The following ZNF148 variants were observed in gnomAD, a reference collection of about 807,000 sequenced individuals.
The protein encoded by ZNF148 is Beta-Enolase Repressor Factor-1.
A neutral mutation model predicts 67.7 loss-of-function variants in ZNF148; 7 were observed. The observed-to-expected ratio is 0.10, with a 90% CI of 0.06 to 0.19. The LOEUF is 0.19. Among genes scored for constraint, ZNF148 ranks in the 10% least tolerant of loss-of-function variants. The pLI, the probability that ZNF148 is intolerant of heterozygous loss-of-function variation, is 1.00. For synonymous variants in ZNF148, 333 were observed against 330.7 expected, an observed-to-expected ratio of 1.01 and a Z score of -0.08; for missense variants, 583 against 947.1, an observed-to-expected ratio of 0.62 and a Z score of 5.05.
chr3:125,310,359 G>A (rs1000683124), intron 4 of ZNF148, among the ~76,000 whole-genome samples: 11 of 152,110 alleles, frequency 7.2e-5, no homozygotes, highest in African/African-American at 2.4e-4. Flanking sequence ...GATTATAGGC[G>A]TGAGGCACCA....
chr3:125,254,943 T>C (rs180916498), intron 7 of ZNF148, among the ~76,000 whole-genome samples: 1 of 152,280 alleles, frequency 6.6e-6, no homozygotes, highest in Admixed American at 6.5e-5. Context: ...CAATCAAGTA[T>C]TTATTTTTCC....
At chr3:125,331,557 A>G (rs1453202626) in intron 1 of ZNF148, among the ~76,000 whole-genome samples, 2 of 152,362 alleles carry the variant, frequency 1.3e-5, no homozygotes, top group African/African-American at 2.4e-5. Context: ...ATCATAACAT[A>G]GGAAGGAAAG....
At position 125,227,531 on chromosome 3, in the gene ZNF148, A is replaced by C. The variant is rs972761959; in HGVS notation, c.*4810T>G. 1.3e-5 allele frequency: 2 copies of C among 152,598 alleles called. No homozygotes were observed. Among genetic ancestry groups the C allele is most frequent in the Non-Finnish European group, 2.9e-5 (2 of 68,026 alleles). 9.5% of individuals were successfully genotyped at this position (152,598 alleles called of 1,614,324 possible). ...TCAAAATCATCAGATTTTCAGATTA[A>C]ATTCAGCACTACACAGTATGCCCTT... On this transcript the variant is annotated 3_prime_UTR_variant, in exon 9 of 9. Transcript: ENST00000360647.
intron 1 of ZNF148, among the ~76,000 whole-genome samples, chr3:125,350,489 C>T (rs566253970): frequency 2.8e-4 from 42 of 152,296 alleles, no homozygotes; most frequent in Non-Finnish European, 4.0e-4. Flanking sequence ...AATATTTGCA[C>T]TCATGTTAAC....
chr3:125,335,903 T>TG (rs1471655944), intron 1 of ZNF148, among the ~76,000 whole-genome samples: 1 of 152,168 alleles, frequency 6.6e-6, no homozygotes, highest in East Asian at 1.9e-4. Flanking sequence ...TTGCTAAAGA[T>TG]GAAGTTTTAT....
chr3:125,341,060 G>A (rs1467085376), intron 1 of ZNF148, among the ~76,000 whole-genome samples: 3 of 144,288 alleles, frequency 2.1e-5, no homozygotes, highest in African/African-American at 5.1e-5. Flanking sequence ...TACCATAAAT[G>A]AGAAAAGAAA....
chr3:125,334,033 T>C (rs1272090880), intron 1 of ZNF148, among the ~76,000 whole-genome samples: 1 of 152,212 alleles, frequency 6.6e-6, no homozygotes, highest in African/African-American at 2.4e-5. Flanking sequence ...ACTTTTCATT[T>C]TACATGGTAC....
At chr3:125,309,875 G>A (rs1230187301) in intron 4 of ZNF148, among the ~76,000 whole-genome samples, 15 of 152,098 alleles carry the variant, frequency 9.9e-5, no homozygotes, top group African/African-American at 7.2e-5. Context: ...AAGCTCGCAC[G>A]TAACATTTCA....
chr3:125,329,158 G>C (rs914236976), intron 2 of ZNF148, among the ~76,000 whole-genome samples: 7 of 150,094 alleles, frequency 4.7e-5, no homozygotes, highest in African/African-American at 1.5e-4. Flanking sequence ...CATGAGTAAA[G>C]AAGTGAAAAA....
At chr3:125,335,435 A>C (rs2107721049) in intron 1 of ZNF148, among the ~76,000 whole-genome samples, 1 of 152,306 alleles carries the variant, frequency 6.6e-6, no homozygotes, top group South Asian at 2.1e-4. Context: ...TTGGTCTCAA[A>C]ACCAGCCTAA....
At chr3:125,235,700 C>T (rs766683564) in intron 7 of ZNF148, among the ~76,000 whole-genome samples, 8 of 151,888 alleles carry the variant, frequency 5.3e-5, no homozygotes, top group Non-Finnish European at 8.8e-5. Context: ...GGAACCAACC[C>T]AAATGTCCAA....
At chr3:125,291,041 G>T (rs1175539012) in intron 4 of ZNF148, among the ~76,000 whole-genome samples, 3 of 152,012 alleles carry the variant, frequency 2.0e-5, no homozygotes, top group Non-Finnish European at 4.4e-5. Context: ...AAATAATGTT[G>T]CCAGACACAA....
Position 125,232,884 on chromosome 3 carries a change from G to A in ZNF148, c.1842C>T (p.Asp614=), listed in dbSNP as rs763911947. ...EYSKFLQQAL[D]RTSQNDAYLN... is the part of the protein sequence containing the mutation. ...AATAGGCATCATTTTGGCTAGTTCT[G>A]TCCAAAGCCTGCTGCAGAAACTTGG... Residue 614 remains aspartate (D), a synonymous_variant, in exon 9 of 9, where the codon GAC becomes GAT. Transcript: ENST00000360647. The surrounding 1 kb of genome is among the most constrained non-coding windows in gnomAD (Gnocchi z 4.2). The A allele has an allele frequency of 5.0e-6, 8 of 1,613,702 alleles. No individual in the cohort carries two copies. The Admixed American group carries it at 5.0e-5, about 10-fold the overall frequency.
At chr3:125,319,125 T>TA (rs1452895653) in intron 3 of ZNF148, among the ~76,000 whole-genome samples, 1 of 152,188 alleles carries the variant, frequency 6.6e-6, no homozygotes, top group African/African-American at 2.4e-5. Context: ...GAGGGCTACT[T>TA]AAAAAGAACG....
intron 2 of ZNF148, among the ~76,000 whole-genome samples, chr3:125,324,066 G>GA (rs1364919661): frequency 6.6e-6 from 1 of 151,930 alleles, no homozygotes; most frequent in Non-Finnish European, 1.5e-5. Context: ...TAAAAGGTTA[G>GA]AAAAAACAAA....
chr3:125,246,378 G>A lies in ZNF148; in HGVS notation c.668-12049C>T, dbSNP rs140022725. 3.7e-4 allele frequency among the ~76,000 whole-genome samples: 56 copies of A among 152,268 alleles called. 1 individual carries two copies. Among genetic ancestry groups the A allele is most frequent in the African/African-American group, 1.1e-3 (46 of 41,556 alleles). ...AAAAGATCATGTACCATTATGTGAT[G>A]CAACATAAAATAGTACTTAAGAGTA... is the stretch of plus-strand genomic sequence containing the variant. On this transcript the variant is annotated intron_variant, in intron 7 of 8. Coordinates refer to ENST00000360647, the MANE Select transcript of ZNF148 (RefSeq NM_021964.3).
At chr3:125,295,799 T>C (rs2107639202) in intron 4 of ZNF148, among the ~76,000 whole-genome samples, 1 of 152,286 alleles carries the variant, frequency 6.6e-6, no homozygotes, top group African/African-American at 2.4e-5. Flanking sequence ...TTGATGCTAC[T>C]TAGTATCATA....
At chr3:125,260,205 A>T (rs1458601820) in intron 7 of ZNF148, among the ~76,000 whole-genome samples, 1 of 152,208 alleles carries the variant, frequency 6.6e-6, no homozygotes, top group Non-Finnish European at 1.5e-5. Flanking sequence ...TATTGAAAGA[A>T]TTATCAAAAT....
At chr3:125,308,014 G>C (rs1364781549) in intron 4 of ZNF148, among the ~76,000 whole-genome samples, 1 of 152,024 alleles carries the variant, frequency 6.6e-6, no homozygotes, top group African/African-American at 2.4e-5. Context: ...CTGGAACAAA[G>C]CAAACATGTC....
Sources: allele counts gnomAD v4.1 joint callset (sites outside exome capture counted in the v4.1 genomes callset), GRCh38; gene constraint gnomAD v4.1.1; non-coding constraint Gnocchi (gnomAD v3.1); transcripts MANE v1.5; gene names NCBI Gene and HGNC (gene_info 2026-07-23, HGNC 2026-07-21).